SRRM3: variants seen among roughly 807,000 people sequenced by gnomAD.
SRRM3 encodes serine/arginine repetitive matrix 3.
A neutral mutation model predicts 66.2 loss-of-function variants in SRRM3; 27 were observed. The observed-to-expected ratio is 0.41, with a 90% confidence interval of 0.30 to 0.56. SRRM3 has a LOEUF of 0.56. Among genes scored for constraint, SRRM3 ranks in the 20% least tolerant of loss-of-function variants. The probability of loss-of-function intolerance (pLI) is 0.32; values close to 1 mark genes in which losing one functional copy is unlikely to be tolerated. For missense variants in SRRM3, 918 were observed against 991.9 expected, an observed-to-expected ratio of 0.93 and a Z score of 1.00; for synonymous variants, 391 against 414.9, an observed-to-expected ratio of 0.94 and a Z score of 0.70.
chr7:76,238,513 G>A (rs1421834018), intron 2 of SRRM3, among the ~76,000 whole-genome samples: 1 of 152,030 alleles, frequency 6.6e-6, no homozygotes, highest in Non-Finnish European at 1.5e-5. Context: ...GGCGTACTTG[G>A]AGTCACCTTC....
intron 1 of SRRM3, among the ~76,000 whole-genome samples, chr7:76,213,787 T>G (rs1230954997): frequency 6.6e-6 from 1 of 151,968 alleles, no homozygotes; most frequent in Admixed American, 6.6e-5. Flanking sequence ...TTGTTTGTTT[T>G]TTAACAGGAT....
intron 11 of SRRM3, chr7:76,273,277 T>C (rs1554610729): frequency 6.6e-6 from 1 of 152,282 alleles, no homozygotes; most frequent in Non-Finnish European, 1.5e-5. Flanking sequence ...AGCCCCTCTG[T>C]AGCCCACCCT....
Position 76,260,006 on chromosome 7 carries a change from T to C in SRRM3, c.436T>C (p.Ser146Pro). 5 of 1,584,620 alleles carry C rather than the reference T, an allele frequency of 3.2e-6. No individual in the cohort carries two copies. The highest frequency in any genetic ancestry group is 1.7e-5 in the Admixed American group (1 of 57,222). Reference protein sequence around the residue: ...DGPVDCDCPASCYRGHRGYRT... With the variant: ...DGPVDCDCPAPCYRGHRGYRT... ...CCCAGTGGACTGTGACTGCCCGGCC[T>C]CCTGCTACCGCGGCCACCGCGGGTA... The change falls in exon 4 of 15, where the codon TCC becomes CCC. Residue 146 changes from serine to proline, a missense_variant. Transcript: ENST00000611745.
chr7:76,248,583 T>C (rs1249672659), intron 3 of SRRM3, among the ~76,000 whole-genome samples: 1 of 152,106 alleles, frequency 6.6e-6, no homozygotes, highest in Admixed American at 6.5e-5. Flanking sequence ...GCTCAGGGGA[T>C]TCTGAGCTGC....
rs138859469 is a variant in SRRM3, at chr7:76,224,375, C to T, written c.-39-10653C>T. Among the ~76,000 whole-genome samples, 365 of 151,400 alleles carry T rather than the reference C, an allele frequency of 2.4e-3. 2 individuals carry two copies. The highest frequency in any genetic ancestry group is 8.6e-3 in the African/African-American group (353 of 41,252). On this transcript the variant is annotated intron_variant, in intron 1 of 14. Transcript: ENST00000611745. ...GATTACAGGCATGAGCCACCGCGCC[C>T]GGCCAAAGACACATCTTTCAAAGGC...
chr7:76,220,628 G>A (rs747924338), intron 1 of SRRM3, among the ~76,000 whole-genome samples: 9 of 152,196 alleles, frequency 5.9e-5, no homozygotes, highest in Non-Finnish European at 1.0e-4. Flanking sequence ...GGGTCAGCCC[G>A]AGTCCTGCCC....
At chr7:76,284,899 G>A (rs1045607275) in intron 14 of SRRM3, among the ~76,000 whole-genome samples, 16 of 152,102 alleles carry the variant, frequency 1.1e-4, no homozygotes, top group Non-Finnish European at 1.5e-4. Context: ...GGGGAGCAGC[G>A]GCCAGGACTC....
Position 76,233,762 on chromosome 7 carries a change from A to G in SRRM3, c.-39-1266A>G, listed in dbSNP as rs148260991. ...TTCAGGGTCACACAGCAAGGAGTGG[A>G]GAAGCGCAGCCTAGAACCCATGCAC... On this transcript the variant is annotated intron_variant, in intron 1 of 14. Transcript: ENST00000611745. Among the ~76,000 whole-genome samples the G allele has an allele frequency of 4.4e-3, 664 of 152,226 alleles. 6 individuals carry two copies. The highest frequency in any genetic ancestry group is 0.015 in the African/African-American group (632 of 41,538).
Position 76,285,670 on chromosome 7 carries a change from T to C in SRRM3, c.1789T>C (p.Cys597Arg), listed in dbSNP as rs1554612670. 1 of 1,551,174 alleles carries C rather than the reference T, an allele frequency of 6.4e-7. No individual in the cohort carries two copies. The highest frequency in any genetic ancestry group is 2.4e-5 in the East Asian group (1 of 40,912). ...GCCCAGCCCCTCTTCCTCCTCCAGCTGCTTGAGCAGCGACTACTCGACCCG... is the reference window on the plus strand; with the variant it reads ...GCCCAGCCCCTCTTCCTCCTCCAGCCGCTTGAGCAGCGACTACTCGACCCG... Reference protein sequence around the residue: ...YRPSPSSSSSCLSSDYSTRSH... With the variant: ...YRPSPSSSSSRLSSDYSTRSH... The change falls in exon 15 of 15, where the codon TGC becomes CGC. Residue 597 changes from cysteine to arginine, a missense_variant. Physicochemically the swap from Cys to Arg is radical, Grantham distance 180. Coordinates refer to ENST00000611745, the MANE Select transcript of SRRM3 (RefSeq NM_001110199.3). This position sits in a 1 kb window ranked among gnomAD's most constrained non-coding sequence, Gnocchi z 4.1.
rs117496286 is a variant in SRRM3 at position 76,227,265 on chromosome 7, C to A, written c.-39-7763C>A. ...CCAAAGAAGTACAGTGTCAATGCCCCCAAAGACCAGAACAAGTTAGAGTTA... is the reference window on the plus strand; with the variant it reads ...CCAAAGAAGTACAGTGTCAATGCCCACAAAGACCAGAACAAGTTAGAGTTA... On this transcript the variant is annotated intron_variant, in intron 1 of 14. Transcript: ENST00000611745. 2.4e-3 allele frequency among the ~76,000 whole-genome samples: 366 copies of A among 152,292 alleles called. 1 individual carries two copies. Among genetic ancestry groups the A allele is most frequent in the Non-Finnish European group, 4.2e-3 (288 of 68,014 alleles).
chr7:76,236,931 A>T (rs1012473522), intron 2 of SRRM3, among the ~76,000 whole-genome samples: 1 of 152,146 alleles, frequency 6.6e-6, no homozygotes, highest in Non-Finnish European at 1.5e-5. Flanking sequence ...AGCATCTCCT[A>T]CAGTGAGAAC....
chr7:76,216,263 T>C (rs187106403), intron 1 of SRRM3, among the ~76,000 whole-genome samples: 1 of 150,216 alleles, frequency 6.7e-6, no homozygotes, highest in East Asian at 2.0e-4. Flanking sequence ...CCCATGCTGG[T>C]CTTGAACTCC....
At chr7:76,281,258 CTCTGTCTCTCTCTCTCTCCTCTCTT>C (rs1234513293) in intron 11 of SRRM3, among the ~76,000 whole-genome samples, 158 bp from the exon 12 acceptor site, 3 of 151,224 alleles carry the variant, frequency 2.0e-5, no homozygotes, top group African/African-American at 7.3e-5. Flanking sequence ...TTTTCTGTCT[CTCTGTCTCTCTCTCTCTCCTCTCTT>C]TCTGTCTCTG....
rs1554611293 is a variant in SRRM3, at chr7:76,277,513, GTGAAA to G, written c.1009-3927_1009-3923del. ...ATTCGAGACCAGCCTGGCCAACATG[GTGAAA>G]CCCCGTCTCTACTAAAAATACAAAA... On this transcript the variant is annotated intron_variant, in intron 11 of 14. Transcript: ENST00000611745. 8.6e-4 allele frequency among the ~76,000 whole-genome samples: 131 copies of G among 152,044 alleles called. 2 individuals are homozygous for G. Among genetic ancestry groups the G allele is most frequent in the Non-Finnish European group, 2.6e-4 (18 of 67,994 alleles).
At chr7:76,283,737 G>A in intron 14 of SRRM3, 1 of 1,189,194 alleles carries the variant, frequency 8.4e-7, no homozygotes, top group Non-Finnish European at 1.1e-6. Context: ...ACACCTCCTT[G>A]CCCTACACAG....
chr7:76,283,005 A>T lies in SRRM3; in HGVS notation c.1637A>T (p.Glu546Val), dbSNP rs2117121517. 6.8e-7 allele frequency: 1 copy of T among 1,464,650 alleles called. No homozygotes were observed. The highest frequency in any genetic ancestry group is 1.3e-5 in the South Asian group (1 of 76,572). 90.7% of individuals were successfully genotyped at this position (1,464,650 alleles called of 1,614,324 possible). Residue 546 changes from glutamate to valine, a missense_variant, in exon 14 of 15, where the codon GAG becomes GTG. Coordinates refer to ENST00000611745, the MANE Select transcript of SRRM3 (RefSeq NM_001110199.3). ...GGCCGCGCAAGGCACTCTGAGGCCG[A>T]GGCCACCCGCGCCCGGCGCCGCTCC... ...GEGRARHSEA[E>V]ATRARRRSRS...
At position 76,261,433 on chromosome 7, in the gene SRRM3, C is replaced by T. The variant is rs1183900675; in HGVS notation, c.638+19C>T. On this transcript the variant is annotated intron_variant, in intron 7 of 14. Coordinates refer to ENST00000611745, the MANE Select transcript of SRRM3 (RefSeq NM_001110199.3). ...GAGACAGGTACCCTTGCTGCCCCCACCCTGGGGCCTCCTCTTCCTCCCGTG... is the reference window on the plus strand; with the variant it reads ...GAGACAGGTACCCTTGCTGCCCCCATCCTGGGGCCTCCTCTTCCTCCCGTG... The T allele has an allele frequency of 1.6e-5, 26 of 1,603,916 alleles. No homozygotes were observed. The Admixed American group carries it at 4.3e-4, about 26-fold the overall frequency.
At chr7:76,225,305 G>T (rs1431476735) in intron 1 of SRRM3, among the ~76,000 whole-genome samples, 4 of 152,198 alleles carry the variant, frequency 2.6e-5, no homozygotes, top group Non-Finnish European at 4.4e-5. Flanking sequence ...TGGTTAAATT[G>T]TGTGACCACA....
chr7:76,271,355 T>C (rs1802208861), intron 11 of SRRM3, among the ~76,000 whole-genome samples: 1 of 152,120 alleles, frequency 6.6e-6, no homozygotes, highest in South Asian at 2.1e-4. Context: ...CATGTGCCTA[T>C]AGTCTCATCT....
Sources: allele counts gnomAD v4.1 joint callset (sites outside exome capture counted in the v4.1 genomes callset), GRCh38; gene constraint gnomAD v4.1.1; non-coding constraint Gnocchi (gnomAD v3.1); transcripts MANE v1.5; gene names NCBI Gene and HGNC (gene_info 2026-07-23, HGNC 2026-07-21).